Variants in ROBO1 observed in about 807,000 individuals in gnomAD.
ROBO1 encodes roundabout guidance receptor 1, also known as roundabout homolog 1.
A neutral mutation model predicts 195.9 loss-of-function variants in ROBO1; 149 were observed. The ratio of observed to expected loss-of-function variants is 0.76; its 90% CI spans 0.67 to 0.87. The LOEUF (loss-of-function observed/expected upper bound fraction) is 0.87, where lower values mean the gene tolerates loss of function less well. Ranked by LOEUF, ROBO1 falls within the 40% of genes least tolerant of loss-of-function variation. The pLI, the probability that ROBO1 is intolerant of heterozygous loss-of-function variation, is 0.00. For synonymous variants in ROBO1, 816 were observed against 733.2 expected, an observed-to-expected ratio of 1.11 and a Z score of -1.82; for missense variants, 1,933 against 2,068.3, an observed-to-expected ratio of 0.93 and a Z score of 1.27.
chr3:79,623,008 C>T (rs1472644491), intron 1 of ROBO1, among the ~76,000 whole-genome samples: 3 of 152,120 alleles, frequency 2.0e-5, no homozygotes, highest in Non-Finnish European at 4.4e-5. Flanking sequence ...AGTGACATCT[C>T]CAGGTGCAAG....
intron 18 of ROBO1, among the ~76,000 whole-genome samples, chr3:78,652,642 A>T (rs2107624506): frequency 6.6e-6 from 1 of 152,346 alleles, no homozygotes; most frequent in Non-Finnish European, 1.5e-5. Flanking sequence ...GCATTAAAAT[A>T]ATAATCATGG....
chr3:79,396,128 CAA>C (rs2037145258), intron 2 of ROBO1, among the ~76,000 whole-genome samples: 1 of 151,984 alleles, frequency 6.6e-6, no homozygotes, highest in Non-Finnish European at 1.5e-5. Context: ...GAGGAATAAA[CAA>C]TATTTCTATC....
At chr3:79,037,863 C>T (rs986253871) in intron 3 of ROBO1, among the ~76,000 whole-genome samples, 4 of 152,222 alleles carry the variant, frequency 2.6e-5, no homozygotes, top group East Asian at 3.9e-4. Flanking sequence ...GTGTTCCTCA[C>T]GATAGTTAGC....
chr3:79,195,357 G>A (rs1453757015), intron 2 of ROBO1, among the ~76,000 whole-genome samples: 1 of 151,562 alleles, frequency 6.6e-6, no homozygotes, highest in African/African-American at 2.4e-5. Flanking sequence ...GTCTAAAATT[G>A]CAGAGTGATA....
In ROBO1 at chr3:78,600,386, C is replaced by T. The variant is rs1414344714; in HGVS notation, c.4745-77G>A. 1.3e-5 allele frequency: 12 copies of T among 921,356 alleles called. No individual in the cohort carries two copies. In the African/African-American group the frequency reaches 1.8e-4, roughly 14 times the overall value. 57.1% of individuals were successfully genotyped at this position (921,356 alleles called of 1,614,324 possible). On this transcript the variant is annotated intron_variant, in intron 29 of 30. Transcript: ENST00000464233. ...TGTATATTGTATCACTCCTGTCTATCTGTAATTCTGAATAAGGAAGCATCA... is the reference window on the plus strand; with the variant it reads ...TGTATATTGTATCACTCCTGTCTATTTGTAATTCTGAATAAGGAAGCATCA...
chr3:79,167,195 G>C (rs972799379), intron 2 of ROBO1, among the ~76,000 whole-genome samples: 1 of 136,022 alleles, frequency 7.4e-6, no homozygotes, highest in African/African-American at 3.2e-5. Context: ...TAGCACAAAA[G>C]CATTTCCTAA....
At chr3:79,060,514 T>C (rs986066872) in intron 3 of ROBO1, among the ~76,000 whole-genome samples, 1 of 151,920 alleles carries the variant, frequency 6.6e-6, no homozygotes, top group Non-Finnish European at 1.5e-5. Context: ...TTGTGCTCTT[T>C]CTCTTTATTT....
At chr3:78,753,470 T>C (rs902692293) in intron 4 of ROBO1, among the ~76,000 whole-genome samples, 5 of 152,204 alleles carry the variant, frequency 3.3e-5, no homozygotes, top group Non-Finnish European at 5.9e-5. Context: ...AGGTTTCAGT[T>C]AAAATTTGTA....
At chr3:78,971,107 G>A (rs1651527693) in intron 3 of ROBO1, among the ~76,000 whole-genome samples, 1 of 152,038 alleles carries the variant, frequency 6.6e-6, no homozygotes, top group Non-Finnish European at 1.5e-5. Flanking sequence ...AAAATGTCCA[G>A]GGGCCAGCTG....
intron 2 of ROBO1, among the ~76,000 whole-genome samples, chr3:79,326,492 C>CT (rs2109150622): frequency 6.6e-6 from 1 of 152,224 alleles, no homozygotes; most frequent in South Asian, 2.1e-4. Context: ...ACCTATGTGA[C>CT]TATCAGGGCA....
At chr3:79,561,868 A>G (rs960873845) in intron 2 of ROBO1, among the ~76,000 whole-genome samples, 4 of 152,182 alleles carry the variant, frequency 2.6e-5, no homozygotes, top group Admixed American at 6.6e-5. Flanking sequence ...TCTATTAGAC[A>G]TAAAATGCCT....
At chr3:79,357,639 T>C (rs1039775637) in intron 2 of ROBO1, among the ~76,000 whole-genome samples, 6 of 152,076 alleles carry the variant, frequency 3.9e-5, no homozygotes, top group Non-Finnish European at 7.4e-5. Flanking sequence ...CTACCACAAG[T>C]CTGGTTGTAA....
chr3:79,613,919 G>C (rs1428964672), intron 1 of ROBO1, among the ~76,000 whole-genome samples: 1 of 151,726 alleles, frequency 6.6e-6, no homozygotes, highest in African/African-American at 2.4e-5. Flanking sequence ...ACATTACCAA[G>C]GATAACAACA....
At chr3:79,515,888 A>G (rs1192747105) in intron 2 of ROBO1, among the ~76,000 whole-genome samples, 1 of 152,184 alleles carries the variant, frequency 6.6e-6, no homozygotes, top group Non-Finnish European at 1.5e-5. Flanking sequence ...GCAACTTTGC[A>G]TCAGTATATT....
intron 2 of ROBO1, among the ~76,000 whole-genome samples, chr3:79,300,318 C>T (rs1020028899): frequency 1.3e-5 from 2 of 152,210 alleles, no homozygotes; most frequent in African/African-American, 2.4e-5. Flanking sequence ...TTGGAGCAGC[C>T]CGCCGGCCCT....
intron 2 of ROBO1, among the ~76,000 whole-genome samples, chr3:79,230,183 T>A (rs2082295106): frequency 6.6e-6 from 1 of 152,208 alleles, no homozygotes; most frequent in African/African-American, 2.4e-5. Context: ...AAATTCATCC[T>A]ATGTCTTTAA....
intron 2 of ROBO1, among the ~76,000 whole-genome samples, chr3:79,367,060 A>G (rs2036006022): frequency 6.6e-6 from 1 of 152,220 alleles, no homozygotes; most frequent in Non-Finnish European, 1.5e-5. Flanking sequence ...GCTATACATT[A>G]TAATTATTTA....
At chr3:79,254,981 A>G (rs1278803082) in intron 2 of ROBO1, among the ~76,000 whole-genome samples, 4 of 152,206 alleles carry the variant, frequency 2.6e-5, no homozygotes, top group Non-Finnish European at 5.9e-5. Flanking sequence ...AATGTGTGAA[A>G]CAATAACTGG....
intron 2 of ROBO1, among the ~76,000 whole-genome samples, chr3:79,229,856 A>G (rs2082290718): frequency 6.6e-6 from 1 of 152,166 alleles, no homozygotes; most frequent in Non-Finnish European, 1.5e-5. Flanking sequence ...TAATTCTCAA[A>G]TCATAATTTT....
Sources: gnomAD v4.1 joint callset for allele counts (sites outside exome capture counted in the v4.1 genomes callset) on GRCh38, gnomAD v4.1.1 for gene constraint, MANE v1.5 for transcripts, NCBI Gene and HGNC (gene_info 2026-07-23, HGNC 2026-07-21) for gene names.